The following GFPT1 variants were observed in gnomAD, a reference collection of about 807,000 sequenced individuals.
GFPT1 encodes the protein glutamine--fructose-6-phosphate aminotransferase [isomerizing] 1.
A neutral mutation model predicts 92.0 loss-of-function variants in GFPT1; 40 were observed. The observed-to-expected ratio is 0.43, with a 90% CI of 0.34 to 0.57. GFPT1 has a LOEUF of 0.57. GFPT1 is among the 20% of genes least tolerant of loss of function. The probability of loss-of-function intolerance (pLI) is 0.02; values close to 1 mark genes in which losing one functional copy is unlikely to be tolerated. For synonymous variants in GFPT1, 269 were observed against 280.6 expected, an observed-to-expected ratio of 0.96 and a Z score of 0.41; for missense variants, 448 against 869.1, an observed-to-expected ratio of 0.52 and a Z score of 6.09.
intron 4 of GFPT1, among the ~76,000 whole-genome samples, chr2:69,362,046 T>G (rs1285064057): frequency 2.4e-4 from 37 of 152,116 alleles, no homozygotes. Flanking sequence ...GTATTCTGTA[T>G]GTATTTGCTT....
At chr2:69,342,287 G>T (rs773881570) in intron 12 of GFPT1, 38 bp from the exon 13 acceptor site, 2 of 1,204,954 alleles carry the variant, frequency 1.7e-6, no homozygotes, top group East Asian at 2.3e-5. Flanking sequence ...ATTTAGCAAA[G>T]AACCATGTGA....
chr2:69,324,682 G>C lies in GFPT1; in HGVS notation c.*1507C>G, dbSNP rs1670488983. On this transcript the variant is annotated 3_prime_UTR_variant, in exon 20 of 20. Transcript: ENST00000357308. Reference sequence around the variant, plus strand: ...TCACCCAGAAGTTAAAACAAGAAAAGAAAGAAAAGAAAGGAAAAAACAGCT... The same window carrying C: ...TCACCCAGAAGTTAAAACAAGAAAACAAAGAAAAGAAAGGAAAAAACAGCT... 1 of 151,796 alleles carries C rather than the reference G, an allele frequency of 6.6e-6. No individual in the cohort carries two copies. Among genetic ancestry groups the C allele is most frequent in the African/African-American group, 2.4e-5 (1 of 41,312 alleles). The allele number at this position is 151,796 out of a possible 1,614,324, so 9.4% of individuals were successfully genotyped here.
At chr2:69,337,842 CTGCTTCACTGACACTATGATT>C in intron 15 of GFPT1, 35 bp downstream of exon 15, 1 of 1,399,836 alleles carries the variant, frequency 7.1e-7, no homozygotes, top group Non-Finnish European at 1.0e-6. Context: ...ACAGACTAGT[CTGCTTCACTGACACTATGATT>C]AAATAATCAT....
chr2:69,384,729 AAAAGAAAGAAGAGAAAG>A (rs1672091229), intron 1 of GFPT1, among the ~76,000 whole-genome samples: 1 of 150,414 alleles, frequency 6.6e-6, no homozygotes, highest in African/African-American at 2.4e-5. Context: ...AGAAAGAAAG[AAAAGAAAGAAGAGAAAG>A]AAAGAAAGAG....
At chr2:69,359,207 C>T (rs1671411482) in intron 5 of GFPT1, 61 bp downstream of exon 5, 2 of 865,634 alleles carry the variant, frequency 2.3e-6, no homozygotes, top group Non-Finnish European at 4.0e-6. Context: ...AACAACCGAC[C>T]CCAGTGCTCT....
chr2:69,384,693 CA>C lies in GFPT1; in HGVS notation c.7+2371del, dbSNP rs71964630. Among the ~76,000 whole-genome samples, 876 of 106,584 alleles carry C rather than the reference CA, an allele frequency of 8.2e-3. 9 individuals carry two copies. Among genetic ancestry groups the C allele is most frequent in the African/African-American group, 0.027 (819 of 30,434 alleles). The allele number at this position is 106,584 out of a possible 152,430, so 69.9% of individuals were successfully genotyped here. A position where few individuals can be genotyped will look rare whatever the true frequency, so the allele number is the denominator to read the frequency against. ...TGGGCGACAGAGAGAGGCCCCGTCA[CA>C]AAAAAAAAAAAAAAAAAAGAAAAAA... On this transcript the variant is annotated intron_variant, in intron 1 of 19. Coordinates refer to ENST00000357308, the MANE Select transcript of GFPT1 (RefSeq NM_001244710.2).
In GFPT1 at chr2:69,359,322, A is replaced by G; in HGVS notation, c.354T>C (p.Phe118=). The change falls in exon 5 of 20, where the codon TTT becomes TTC. Residue 118 remains phenylalanine (F), a synonymous_variant. Coordinates refer to ENST00000357308, the MANE Select transcript of GFPT1 (RefSeq NM_001244710.2). ...TGATGATTCCATTGTGAATAACGAT[A>G]AATTCTAAAAGAGGTAAAAGTGTTG... The part of the protein sequence containing the change: ...HPQRSDKNNE[F]IVIHNGIITN... The G allele has an allele frequency of 6.4e-7, 1 of 1,558,768 alleles. No homozygotes were observed. Among genetic ancestry groups the G allele is most frequent in the Non-Finnish European group, 8.8e-7 (1 of 1,131,162 alleles).
intron 15 of GFPT1, among the ~76,000 whole-genome samples, chr2:69,336,073 T>A (rs1436457673): frequency 6.7e-6 from 1 of 149,454 alleles, no homozygotes; most frequent in African/African-American, 2.5e-5. Flanking sequence ...ACAGTGTGGC[T>A]CATGCCTGTA....
At chr2:69,358,579 T>A in intron 5 of GFPT1, 116 bp from the exon 6 acceptor site, 1 of 736,906 alleles carries the variant, frequency 1.4e-6, no homozygotes, top group Non-Finnish European at 2.3e-6. Flanking sequence ...TTGAACACCA[T>A]ATCCCATTAT....
chr2:69,380,756 A>G (rs866328645), intron 1 of GFPT1, among the ~76,000 whole-genome samples: 1 of 152,044 alleles, frequency 6.6e-6, no homozygotes, highest in African/African-American at 2.4e-5. Context: ...GCATCTCTAC[A>G]CTGAACTATG....
At chr2:69,354,200 G>T in intron 9 of GFPT1, 59 bp downstream of exon 9, 1 of 1,181,762 alleles carries the variant, frequency 8.5e-7, no homozygotes, top group Non-Finnish European at 1.2e-6. Flanking sequence ...AAAAGAATTA[G>T]TAAAGAATAA....
intron 3 of GFPT1, among the ~76,000 whole-genome samples, chr2:69,369,313 T>C (rs934186599): frequency 6.6e-6 from 1 of 152,206 alleles, no homozygotes; most frequent in South Asian, 2.1e-4. Context: ...ATGATGGCAT[T>C]CATATGAGTA....
Position 69,344,186 on chromosome 2 carries a change from C to CAA in GFPT1, c.1105+1716_1105+1717dup, listed in dbSNP as rs10602884. On this transcript the variant is annotated intron_variant, in intron 12 of 19. Transcript: ENST00000357308. The stretch of plus-strand genomic sequence containing the variant: ...GCAAAGACTCAATATAAAAGCAAAG[C>CAA]AAAAAAAAAAAAAAAAAAAAAAAGG... Among the ~76,000 whole-genome samples, 98 of 64,464 alleles carry CAA rather than the reference C, an allele frequency of 1.5e-3. No homozygotes were observed. The East Asian group carries it at 0.024, about 16-fold the overall frequency. 42.3% of individuals were successfully genotyped at this position (64,464 alleles called of 152,430 possible).
Position 69,387,086 on chromosome 2 carries a change from G to T in GFPT1, c.-15C>A. ...TTACCACACATGATGCCGGAGACACGGCCCGCGAGGCCAGGGGCGAGTGGC... is the reference window on the plus strand; with the variant it reads ...TTACCACACATGATGCCGGAGACACTGCCCGCGAGGCCAGGGGCGAGTGGC... On this transcript the variant is annotated 5_prime_UTR_variant, in exon 1 of 20. Coordinates refer to ENST00000357308, the MANE Select transcript of GFPT1 (RefSeq NM_001244710.2). The T allele has an allele frequency of 6.5e-7, 1 of 1,536,400 alleles. No individual in the cohort carries two copies. The highest frequency in any genetic ancestry group is 2.5e-5 in the East Asian group (1 of 40,800).
intron 1 of GFPT1, among the ~76,000 whole-genome samples, chr2:69,383,987 A>C (rs1672068276): frequency 6.6e-6 from 1 of 152,238 alleles, no homozygotes; most frequent in African/African-American, 2.4e-5. Context: ...CATTTATAAA[A>C]ACAATAGCAA....
chr2:69,362,392 G>T (rs1409142027), intron 4 of GFPT1, among the ~76,000 whole-genome samples: 2 of 152,150 alleles, frequency 1.3e-5, no homozygotes, highest in African/African-American at 2.4e-5. Context: ...CTTCCAAAGT[G>T]CTGGGTAGAC....
intron 1 of GFPT1, among the ~76,000 whole-genome samples, chr2:69,379,204 C>T (rs13422656): frequency 0.38 from 58,165 of 152,026 alleles, 11,425 homozygotes; most frequent in Middle Eastern, 0.45. Flanking sequence ...CTGTTATTCC[C>T]ATACACACAC....
At chr2:69,347,276 C>T (rs1261679913) in intron 11 of GFPT1, among the ~76,000 whole-genome samples, 1 of 151,564 alleles carries the variant, frequency 6.6e-6, no homozygotes, top group Non-Finnish European at 1.5e-5. Flanking sequence ...GTCTCAAACT[C>T]CTGAGCTCAA....
chr2:69,322,015 T>A lies in GFPT1; in HGVS notation c.*4174A>T, dbSNP rs1378788628. On this transcript the variant is annotated 3_prime_UTR_variant, in exon 20 of 20. Transcript: ENST00000357308. ...TGTCACTGTCACAGATCTGAAGATA[T>A]GTTTAAATTCATCAAGCTAGGAAGA... is the stretch of plus-strand genomic sequence containing the variant. 1 of 152,226 alleles carries A rather than the reference T, an allele frequency of 6.6e-6. No homozygotes were observed. The highest frequency in any genetic ancestry group is 1.5e-5 in the Non-Finnish European group (1 of 68,016). 9.4% of individuals were successfully genotyped at this position (152,226 alleles called of 1,614,324 possible). A position where few individuals can be genotyped will look rare whatever the true frequency, so the allele number is the denominator to read the frequency against.
Sources: gnomAD v4.1 joint callset for allele counts (sites outside exome capture counted in the v4.1 genomes callset) on GRCh38, gnomAD v4.1.1 for gene constraint, MANE v1.5 for transcripts, NCBI Gene and HGNC (gene_info 2026-07-23, HGNC 2026-07-21) for gene names.